Variants in BTBD9 observed in about 807,000 individuals in gnomAD.
BTBD9 encodes the protein BTB domain containing 9.
In BTBD9, 49 loss-of-function variants were observed where a neutral mutation model predicts 64.3. That is an observed-to-expected ratio of 0.76 (90% CI 0.61 to 0.97). The LOEUF (loss-of-function observed/expected upper bound fraction) is 0.97. BTBD9 is among the 50% of genes least tolerant of loss of function. The pLI, the probability that BTBD9 is intolerant of heterozygous loss-of-function variation, is 0.00. For missense variants in BTBD9, 598 were observed against 762.1 expected (o/e 0.78, Z 2.53); for synonymous variants, 260 against 274.7 (o/e 0.95, Z 0.53).
At chr6:38,186,329 GCTACT>G (rs1761816980) in intron 10 of BTBD9, among the ~76,000 whole-genome samples, 1 of 152,142 alleles carries the variant, frequency 6.6e-6, no homozygotes, top group Non-Finnish European at 1.5e-5. Flanking sequence ...GCAAATACTA[GCTACT>G]ATTATTGTAA....
At chr6:38,606,402 A>T (rs962103079) in intron 1 of BTBD9, among the ~76,000 whole-genome samples, 6 of 152,220 alleles carry the variant, frequency 3.9e-5, no homozygotes, top group Non-Finnish European at 8.8e-5. Flanking sequence ...AGATAATATA[A>T]CATTGTCAAC....
At chr6:38,438,576 T>G (rs1479118835) in intron 6 of BTBD9, among the ~76,000 whole-genome samples, 1 of 152,224 alleles carries the variant, frequency 6.6e-6, no homozygotes, top group South Asian at 2.1e-4. Flanking sequence ...AAATAAACCT[T>G]TCCGTCATTT....
At chr6:38,335,445 GT>G (rs1763855396) in intron 7 of BTBD9, among the ~76,000 whole-genome samples, 1 of 151,758 alleles carries the variant, frequency 6.6e-6, no homozygotes, top group African/African-American at 2.4e-5. Flanking sequence ...TAGAGACAGG[GT>G]TTTGCCATGT....
At chr6:38,457,077 T>C (rs564158156) in intron 6 of BTBD9, among the ~76,000 whole-genome samples, 1 of 151,060 alleles carries the variant, frequency 6.6e-6, no homozygotes, top group South Asian at 2.1e-4. Context: ...GTGGGAAAAA[T>C]GTTGGCAAAT....
At chr6:38,518,760 T>C (rs1773150542) in intron 6 of BTBD9, among the ~76,000 whole-genome samples, 2 of 152,330 alleles carry the variant, frequency 1.3e-5, no homozygotes, top group African/African-American at 4.8e-5. Context: ...TATAAGCACC[T>C]TTACTAACTG....
At chr6:38,555,137 T>G (rs533923879) in intron 6 of BTBD9, among the ~76,000 whole-genome samples, 1 of 152,352 alleles carries the variant, frequency 6.6e-6, no homozygotes, top group East Asian at 1.9e-4. Context: ...AATCTGCTGA[T>G]TAGCTACTCT....
intron 9 of BTBD9, among the ~76,000 whole-genome samples, chr6:38,241,097 T>G (rs142145819): frequency 2.4e-4 from 36 of 152,280 alleles, no homozygotes; most frequent in African/African-American, 7.5e-4. Context: ...AAGAAAAGAC[T>G]ATACATTTCA....
At chr6:38,333,835 A>G (rs894714417) in intron 7 of BTBD9, among the ~76,000 whole-genome samples, 6 of 152,220 alleles carry the variant, frequency 3.9e-5, no homozygotes, top group African/African-American at 1.4e-4. Flanking sequence ...GAAGTGTGCC[A>G]TTGCTACAAC....
intron 7 of BTBD9, among the ~76,000 whole-genome samples, chr6:38,289,479 T>C (rs547082656): frequency 6.6e-6 from 1 of 152,230 alleles, no homozygotes; most frequent in Non-Finnish European, 1.5e-5. Flanking sequence ...TAGTAGTCTC[T>C]AAGCTGCAGA....
intron 7 of BTBD9, among the ~76,000 whole-genome samples, chr6:38,325,583 G>A (rs1763391714): frequency 6.6e-6 from 1 of 152,196 alleles, no homozygotes; most frequent in Non-Finnish European, 1.5e-5. Flanking sequence ...TACTCGGGAG[G>A]CTGAGGCAGG....
intron 6 of BTBD9, among the ~76,000 whole-genome samples, chr6:38,436,345 T>C (rs1259239861): frequency 7.3e-5 from 11 of 150,872 alleles, no homozygotes; most frequent in Admixed American, 7.3e-4. Flanking sequence ...GTGAAACTAA[T>C]GAAGCAATAA....
chr6:38,221,576 AC>A (rs1433281774), intron 9 of BTBD9, among the ~76,000 whole-genome samples: 2 of 152,186 alleles, frequency 1.3e-5, no homozygotes, highest in Non-Finnish European at 2.9e-5. Flanking sequence ...GCCAGGGGAA[AC>A]CCAGCTAGAC....
At chr6:38,350,282 G>A (rs995786441) in intron 6 of BTBD9, among the ~76,000 whole-genome samples, 14 of 152,110 alleles carry the variant, frequency 9.2e-5, no homozygotes, top group African/African-American at 1.7e-4. Context: ...CTAGCTTTCC[G>A]TCATTGCTTA....
chr6:38,215,054 C>A (rs2127502151), intron 9 of BTBD9, among the ~76,000 whole-genome samples: 1 of 152,242 alleles, frequency 6.6e-6, no homozygotes, highest in South Asian at 2.1e-4. Context: ...TGTATTATTT[C>A]TTGAGGAGGA....
rs149286214 is a variant in BTBD9 at position 38,330,802 on chromosome 6, G to C, written c.1264+14182C>G. On this transcript the variant is annotated intron_variant, in intron 7 of 10. Transcript: ENST00000481247. Reference sequence around the variant, plus strand: ...ATGAAACAAAGAATAAAATAAGCAAGAAAGAATTTCAAGACAATTGGCCAC... The same window carrying C: ...ATGAAACAAAGAATAAAATAAGCAACAAAGAATTTCAAGACAATTGGCCAC... Among the ~76,000 whole-genome samples, 5 of 152,140 alleles carry C rather than the reference G, an allele frequency of 3.3e-5. 1 individual carries two copies. The East Asian group carries it at 9.6e-4, about 29-fold the overall frequency.
intron 9 of BTBD9, among the ~76,000 whole-genome samples, chr6:38,200,024 C>T (rs1351020420): frequency 6.6e-6 from 1 of 152,236 alleles, no homozygotes; most frequent in Non-Finnish European, 1.5e-5. Context: ...CCAGTGAAGC[C>T]AGACCTGAGG....
intron 1 of BTBD9, among the ~76,000 whole-genome samples, chr6:38,601,503 T>C (rs1159673108): frequency 6.6e-6 from 1 of 151,816 alleles, no homozygotes; most frequent in African/African-American, 2.4e-5. Context: ...ACACCAGGAG[T>C]TCAGGACCCT....
intron 6 of BTBD9, among the ~76,000 whole-genome samples, chr6:38,397,504 G>C (rs1562127103): frequency 6.6e-6 from 1 of 152,198 alleles, no homozygotes; most frequent in Non-Finnish European, 1.5e-5. Context: ...CATGTTGGAA[G>C]GTAGGATTAA....
rs74969566 is a variant in BTBD9 at position 38,265,168 on chromosome 6, G to A, written c.1455-8652C>T. On this transcript the variant is annotated intron_variant, in intron 8 of 10. Coordinates refer to ENST00000481247, the MANE Select transcript of BTBD9 (RefSeq NM_001099272.2). ...AGAAGCTCTCGGGTGTGTGGCATAT[G>A]TAGTTTCTGTGTTTAGTCAACTGAA... 2.6e-5 allele frequency among the ~76,000 whole-genome samples: 4 copies of A among 152,144 alleles called. No individual in the cohort carries two copies. The East Asian group carries it at 7.8e-4, about 29-fold the overall frequency.
Sources: gnomAD v4.1 joint callset for allele counts (sites outside exome capture counted in the v4.1 genomes callset) on GRCh38, gnomAD v4.1.1 for gene constraint, MANE v1.5 for transcripts, NCBI Gene and HGNC (gene_info 2026-07-23, HGNC 2026-07-21) for gene names.